Variants in ALMS1 observed in about 807,000 individuals in gnomAD.
ALMS1 encodes the protein centrosome-associated protein ALMS1.
A neutral mutation model predicts 352.2 loss-of-function variants in ALMS1; 271 were observed. The ratio of observed to expected loss-of-function variants is 0.77; its 90% confidence interval spans 0.70 to 0.85. The LOEUF (loss-of-function observed/expected upper bound fraction) is 0.85, where lower values mean the gene tolerates loss of function less well. Among genes scored for constraint, ALMS1 ranks in the 40% least tolerant of loss-of-function variants. ALMS1 has a pLI of 0.00. For missense variants in ALMS1, 5,445 were observed against 4,870.7 expected, an observed-to-expected ratio of 1.12 and a Z score of -3.51; for synonymous variants, 1,865 against 1,761.2, an observed-to-expected ratio of 1.06 and a Z score of -1.48.
chr2:73,464,450 A>AT (rs1558656234), intron 9 of ALMS1, among the ~76,000 whole-genome samples: 1 of 152,240 alleles, frequency 6.6e-6, no homozygotes, highest in African/African-American at 2.4e-5. Flanking sequence ...GTATCTCAAA[A>AT]TAATAAGAGC....
chr2:73,433,798 A>T (rs116357348), intron 7 of ALMS1, among the ~76,000 whole-genome samples: 5,109 of 152,268 alleles, frequency 0.034, 125 homozygotes, highest in Non-Finnish European at 0.052. Flanking sequence ...CCTTGCCATA[A>T]GTCTATTTAG....
intron 13 of ALMS1, among the ~76,000 whole-genome samples, chr2:73,554,574 G>A (rs186814706): frequency 2.6e-5 from 4 of 151,974 alleles, no homozygotes; most frequent in East Asian, 3.9e-4. Context: ...TTAGCCGGGC[G>A]TGGTGGCGGG....
chr2:73,449,982 G>C lies in ALMS1; in HGVS notation c.3455G>C (p.Ser1152Thr), dbSNP rs776404185. 6.2e-7 allele frequency: 1 copy of C among 1,613,822 alleles called. No homozygotes were observed. The highest frequency in any genetic ancestry group is 2.2e-5 in the East Asian group (1 of 44,892). Residue 1152 changes from serine to threonine, a missense_variant, in exon 8 of 23, where the codon AGC (serine) becomes ACC (threonine). Ser to Thr is a moderately conservative substitution (Grantham distance 58). Transcript: ENST00000613296. ...TSYSQHREKPSIFHQQALPGT... is the reference protein window; with the variant it reads ...TSYSQHREKPTIFHQQALPGT... ...TACTCACAACATAGAGAAAAGCCCAGCATTTTCCACCAGCAGGCCTTGCCA... is the reference window on the plus strand; with the variant it reads ...TACTCACAACATAGAGAAAAGCCCACCATTTTCCACCAGCAGGCCTTGCCA...
Position 73,449,473 on chromosome 2 carries a change from T to C in ALMS1, c.2946T>C (p.Ser982=), listed in dbSNP as rs1268126164. The C allele has an allele frequency of 6.2e-7, 1 of 1,613,980 alleles. No individual in the cohort carries two copies. Among genetic ancestry groups the C allele is most frequent in the Non-Finnish European group, 8.5e-7 (1 of 1,179,954 alleles). Residue 982 remains serine (S), a synonymous_variant, in exon 8 of 23, where the codon TCT becomes TCC. Coordinates refer to ENST00000613296, the MANE Select transcript of ALMS1 (RefSeq NM_001378454.1). The part of the protein sequence containing the change: ...SDLPRESLKM[S]AIPGLTDQKT... Reference sequence around the variant, plus strand: ...TACCTAGAGAATCTCTGAAAATGTCTGCTATTCCTGGACTGACTGACCAGA... The same window carrying C: ...TACCTAGAGAATCTCTGAAAATGTCCGCTATTCCTGGACTGACTGACCAGA...
rs140823803 is a variant in ALMS1 at position 73,528,777 on chromosome 2, G to A, written c.9782-6047G>A. Among the ~76,000 whole-genome samples, 79 of 151,728 alleles carry A rather than the reference G, an allele frequency of 5.2e-4. No homozygotes were observed. In the East Asian group the frequency reaches 0.014, roughly 27 times the overall value. The stretch of plus-strand genomic sequence containing the variant: ...TGAGGCTATTTTCTAGATCCTGTAG[G>A]CATGCTTTATTCTTTTTTATTCCTT... On this transcript the variant is annotated intron_variant, in intron 11 of 22. Coordinates refer to ENST00000613296, the MANE Select transcript of ALMS1 (RefSeq NM_001378454.1).
rs777811953 is a variant in ALMS1 at position 73,449,069 on chromosome 2, A to G, written c.2542A>G (p.Thr848Ala). Residue 848 changes from threonine to alanine, a missense_variant, in exon 8 of 23, where the codon ACT becomes GCT. By Grantham distance (58) the Thr-to-Ala change is moderately conservative (BLOSUM62 0). Coordinates refer to ENST00000613296, the MANE Select transcript of ALMS1 (RefSeq NM_001378454.1). ...SAVSGPADGK[T>A]GTPAVTSTSS... ...TGTTTCTGGACCAGCTGACGGAAAG[A>G]CTGGGACACCAGCTGTAACCTCTAC... 6.8e-6 allele frequency: 11 copies of G among 1,614,014 alleles called. No homozygotes were observed. The highest frequency in any genetic ancestry group is 1.3e-5 in the African/African-American group (1 of 74,930).
At chr2:73,517,362 T>G (rs1673582220) in intron 10 of ALMS1, among the ~76,000 whole-genome samples, 1 of 150,958 alleles carries the variant, frequency 6.6e-6, no homozygotes, top group African/African-American at 2.4e-5. Context: ...CAAGCAGTCC[T>G]CCTGCCTCAG....
intron 11 of ALMS1, among the ~76,000 whole-genome samples, chr2:73,526,234 A>G (rs1446871899): frequency 6.6e-6 from 1 of 152,000 alleles, no homozygotes; most frequent in African/African-American, 2.4e-5. Context: ...TTCGTTCTTT[A>G]TGCTTAAGAT....
chr2:73,603,719 G>T (rs1675751410), intron 21 of ALMS1: 1 of 253,232 alleles, frequency 3.9e-6, no homozygotes, highest in Admixed American at 5.1e-5. Flanking sequence ...AATTAGCTGG[G>T]TGTGGAGGCA....
In ALMS1 at chr2:73,451,483, C is replaced by T. The variant is rs758298043; in HGVS notation, c.4956C>T (p.Asp1652=). 6.2e-7 allele frequency: 1 copy of T among 1,614,064 alleles called. No individual in the cohort carries two copies. The highest frequency in any genetic ancestry group is 8.5e-7 in the Non-Finnish European group (1 of 1,179,976). ...VKVSAAPGPA[D]QKTETLPVHS... ...TTTCAGCTGCTCCTGGACCAGCTGA[C>T]CAGAAGACTGAGACATTACCAGTAC... Residue 1652 remains aspartate (D), a synonymous_variant, in exon 8 of 23, where the codon GAC becomes GAT. Transcript: ENST00000613296.
At position 73,417,870 on chromosome 2, in the gene ALMS1, A is replaced by AT. The variant is rs1671207001; in HGVS notation, c.451-1250dup. ...ACCTTTTAAACTTGTCACCATTAGT[A>AT]TTTAATACGACTTTAATTCAGCATT... On this transcript the variant is annotated intron_variant, in intron 2 of 22. Coordinates refer to ENST00000613296, the MANE Select transcript of ALMS1 (RefSeq NM_001378454.1). Among the ~76,000 whole-genome samples, 6 of 152,210 alleles carry AT rather than the reference A, an allele frequency of 3.9e-5. No individual in the cohort carries two copies. In the South Asian group the frequency reaches 8.3e-4, roughly 21 times the overall value.
intron 2 of ALMS1, 41 bp downstream of exon 2, chr2:73,408,788 G>A: frequency 6.3e-7 from 1 of 1,579,612 alleles, no homozygotes; most frequent in Non-Finnish European, 8.6e-7. Flanking sequence ...TTTTTGATAA[G>A]CAGCACAAGA....
rs572345661 is a variant in ALMS1, at chr2:73,460,887, G to A, written c.7674+5592G>A. On this transcript the variant is annotated intron_variant, in intron 9 of 22. Coordinates refer to ENST00000613296, the MANE Select transcript of ALMS1 (RefSeq NM_001378454.1). ...AAACTGCAAGGCAGCAGCGAGGCTG[G>A]GGGAGGGGCGCCTGCCATTGTGCAG... Among the ~76,000 whole-genome samples, 205 of 152,362 alleles carry A rather than the reference G, an allele frequency of 1.3e-3. 2 individuals carry two copies. Among genetic ancestry groups the A allele is most frequent in the African/African-American group, 4.7e-3 (195 of 41,588 alleles).
intron 7 of ALMS1, among the ~76,000 whole-genome samples, chr2:73,445,763 A>G (rs1671799955): frequency 8.2e-6 from 1 of 122,180 alleles, no homozygotes; most frequent in African/African-American, 3.2e-5. Flanking sequence ...CACCCAATAT[A>G]CAACTTTGGT....
intron 10 of ALMS1, among the ~76,000 whole-genome samples, chr2:73,506,319 G>A (rs758695538): frequency 6.6e-6 from 1 of 152,094 alleles, no homozygotes; most frequent in African/African-American, 2.4e-5. Flanking sequence ...TTCTAATTCT[G>A]TGAAGAAAGT....
At chr2:73,583,665 G>T (rs953078545) in intron 16 of ALMS1, among the ~76,000 whole-genome samples, 1 of 152,114 alleles carries the variant, frequency 6.6e-6, no homozygotes, top group East Asian at 1.9e-4. Context: ...TTTTGTACAT[G>T]GTATAAGATA....
rs1413021043 is a variant in ALMS1 at position 73,572,752 on chromosome 2, G to A, written c.10875G>A (p.Leu3625=). Residue 3625 remains leucine (L), a synonymous_variant, in exon 16 of 23, where the codon TTG becomes TTA. Transcript: ENST00000613296. The part of the protein sequence containing the change: ...PELGDRKELS[L]VDRLDRLAKI... ...TGGGTGACAGGAAAGAACTGTCCTT[G>A]GTGGACCGACTTGATCGTTTGGCTA... The A allele has an allele frequency of 1.2e-6, 2 of 1,614,026 alleles. No individual in the cohort carries two copies. Among genetic ancestry groups the A allele is most frequent in the Admixed American group, 1.7e-5 (1 of 59,980 alleles).
chr2:73,502,357 C>G (rs1444238179), intron 10 of ALMS1, among the ~76,000 whole-genome samples: 2 of 152,124 alleles, frequency 1.3e-5, no homozygotes, highest in Admixed American at 6.6e-5. Flanking sequence ...CACCAGAGAA[C>G]AGAGCAGTTT....
intron 16 of ALMS1, among the ~76,000 whole-genome samples, chr2:73,582,026 G>A (rs1675194011): frequency 1.3e-5 from 2 of 152,136 alleles, no homozygotes; most frequent in South Asian, 4.2e-4. Context: ...ACAGGCGTGA[G>A]CCACTGTGCC....
Sources: allele counts gnomAD v4.1 joint callset (sites outside exome capture counted in the v4.1 genomes callset), GRCh38; gene constraint gnomAD v4.1.1; transcripts MANE v1.5; gene names NCBI Gene and HGNC (gene_info 2026-07-23, HGNC 2026-07-21).